Variants in B3GALT6 observed in about 807,000 individuals in gnomAD.
B3GALT6 encodes beta-1,3-galactosyltransferase 6, also known as GAG GalTII.
Under a neutral mutation model 23.3 loss-of-function variants are expected in B3GALT6, and 27 were observed. The ratio of observed to expected loss-of-function variants is 1.16; its 90% CI spans 0.85 to 1.60. B3GALT6 has a LOEUF of 1.60. Ranked by LOEUF, B3GALT6 falls within the 40% of genes most tolerant of loss-of-function variation. B3GALT6 has a pLI of 0.00. For missense variants in B3GALT6, 554 were observed against 471.1 expected (o/e 1.18, Z -1.63); for synonymous variants, 313 against 232.3 (o/e 1.35, Z -3.16).
chr1:1,232,809 C>G lies in B3GALT6; in HGVS notation c.531C>G (p.Arg177=), dbSNP rs1203554731. Residue 177 remains arginine (R), a synonymous_variant, in exon 1 of 1, where the codon CGC becomes CGG. Transcript: ENST00000379198. The part of the protein sequence containing the change: ...LAELRAREPA[R]RRRLYWGFFS... ...AGCTGCGCGCCCGCGAGCCCGCGCG[C>G]CGCCGCCGCCTCTACTGGGGCTTCT... The G allele has an allele frequency of 2.2e-6, 3 of 1,338,582 alleles. No individual in the cohort carries two copies. The highest frequency in any genetic ancestry group is 1.9e-6 in the Non-Finnish European group (2 of 1,050,402). The allele number at this position is 1,338,582 out of a possible 1,614,324, so 82.9% of individuals were successfully genotyped here.
In B3GALT6 at chr1:1,234,624, C is replaced by A. The variant is rs1055045877; in HGVS notation, c.*1356C>A. The A allele has an allele frequency of 6.0e-6, 1 of 166,908 alleles. No homozygotes were observed. The highest frequency in any genetic ancestry group is 2.1e-4 in the South Asian group (1 of 4,822). The allele number at this position is 166,908 out of a possible 1,614,324, so 10.3% of individuals were successfully genotyped here. Reference sequence around the variant, plus strand: ...TCGTGAGGATCGAGGGCTGGGGACCCCGGTGTGAGCAGGATGGGGCCCTGC... The same window carrying A: ...TCGTGAGGATCGAGGGCTGGGGACCACGGTGTGAGCAGGATGGGGCCCTGC... On this transcript the variant is annotated 3_prime_UTR_variant, in exon 1 of 1. Coordinates refer to ENST00000379198, the MANE Select transcript of B3GALT6 (RefSeq NM_080605.4).
Position 1,233,006 on chromosome 1 carries a change from T to A in B3GALT6, c.728T>A (p.Val243Glu). The change falls in exon 1 of 1, where the codon GTG (valine) becomes GAG (glutamate). Residue 243 changes from valine (V) to glutamate (E), a missense_variant. Coordinates refer to ENST00000379198, the MANE Select transcript of B3GALT6 (RefSeq NM_080605.4). Reference protein sequence around the residue: ...DYLRAWHSEDVSLGAWLAPVD... With the variant: ...DYLRAWHSEDESLGAWLAPVD... ...CTGCGCGCCTGGCACAGCGAGGACG[T>A]GTCTCTGGGCGCCTGGCTGGCGCCG... 6.4e-7 allele frequency: 1 copy of A among 1,559,572 alleles called. No individual in the cohort carries two copies. The highest frequency in any genetic ancestry group is 8.6e-7 in the Non-Finnish European group (1 of 1,159,096).
At position 1,234,672 on chromosome 1, in the gene B3GALT6, C is replaced by G. The variant is rs1382859186; in HGVS notation, c.*1404C>G. ...TGCCCTCCCGTGGGAGTTGTGGACT[C>G]GAGCCCAGGGGCTGCCCGTCACAGC... On this transcript the variant is annotated 3_prime_UTR_variant, in exon 1 of 1. Transcript: ENST00000379198. 1 of 166,860 alleles carries G rather than the reference C, an allele frequency of 6.0e-6. No homozygotes were observed. Among genetic ancestry groups the G allele is most frequent in the South Asian group, 2.1e-4 (1 of 4,830 alleles). 10.3% of individuals were successfully genotyped at this position (166,860 alleles called of 1,614,324 possible).
rs1400410241 is a variant in B3GALT6 at position 1,233,309 on chromosome 1, G to C, written c.*41G>C. The stretch of plus-strand genomic sequence containing the variant: ...CCCTCCGGGACACCTGCTTCACCCG[G>C]CGGCGCCTTGGGGCAGGTGCCGAGC... On this transcript the variant is annotated 3_prime_UTR_variant, in exon 1 of 1. Transcript: ENST00000379198. The C allele has an allele frequency of 2.9e-6, 4 of 1,402,260 alleles. No individual in the cohort carries two copies. The highest frequency in any genetic ancestry group is 2.8e-5 in the East Asian group (1 of 35,106). The allele number at this position is 1,402,260 out of a possible 1,614,324, so 86.9% of individuals were successfully genotyped here.
In B3GALT6 at chr1:1,233,068, A is replaced by ACCGAATAC; in HGVS notation, c.792_799dup (p.Arg267ProfsTer14). 6.4e-7 allele frequency: 1 copy of ACCGAATAC among 1,551,730 alleles called. No homozygotes were observed. The highest frequency in any genetic ancestry group is 1.4e-5 in the African/African-American group (1 of 73,436). Reference sequence around the variant, plus strand: ...GCGGGAGCACGACCCGCGCTTCGACACCGAATACCGGTCCCGCGGCTGCAG... The same window carrying ACCGAATAC: ...GCGGGAGCACGACCCGCGCTTCGACACCGAATACCCGAATACCGGTCCCGCGGCTGCAG... On this transcript the variant is annotated frameshift_variant, in exon 1 of 1. Transcript: ENST00000379198. LOFTEE classifies it high-confidence loss of function.
Position 1,232,250 on chromosome 1 carries a change from G to A in B3GALT6, c.-29G>A. 10 of 980,716 alleles carry A rather than the reference G, an allele frequency of 1.0e-5. No homozygotes were observed. Among genetic ancestry groups the A allele is most frequent in the Non-Finnish European group, 1.2e-5 (10 of 828,170 alleles). The allele number at this position is 980,716 out of a possible 1,614,324, so 60.8% of individuals were successfully genotyped here. On this transcript the variant is annotated 5_prime_UTR_variant, in exon 1 of 1. Transcript: ENST00000379198. ...CGGCGCCTGCGCACTCGCGAGTCCG[G>A]CCTGGGCCGCCGGCCCGGCGCGGGC...
Position 1,233,064 on chromosome 1 carries a change from C to G in B3GALT6, c.786C>G (p.Phe262Leu). 6.4e-7 allele frequency: 1 copy of G among 1,550,920 alleles called. No homozygotes were observed. Among genetic ancestry groups the G allele is most frequent in the Non-Finnish European group, 8.7e-7 (1 of 1,152,554 alleles). The change falls in exon 1 of 1, where the codon TTC (phenylalanine) becomes TTG (leucine). Residue 262 changes from phenylalanine (F) to leucine (L), a missense_variant. Transcript: ENST00000379198. Reference sequence around the variant, plus strand: ...TCCAGCGGGAGCACGACCCGCGCTTCGACACCGAATACCGGTCCCGCGGCT... The same window carrying G: ...TCCAGCGGGAGCACGACCCGCGCTTGGACACCGAATACCGGTCCCGCGGCT... ...VDVQREHDPR[F>L]DTEYRSRGCS...
chr1:1,232,684 G>GTGCTGGCCATGC lies in B3GALT6; in HGVS notation c.409_420dup (p.Leu137_Leu140dup). On this transcript the variant is annotated inframe_insertion, in exon 1 of 1. Transcript: ENST00000379198. The stretch of plus-strand genomic sequence containing the variant: ...CGCCTACGAAAACCTCACGGCCAAG[G>GTGCTGGCCATGC]TGCTGGCCATGCTGGCCTGGCTGGA... 7.2e-7 allele frequency: 1 copy of GTGCTGGCCATGC among 1,394,410 alleles called. No individual in the cohort carries two copies. Among genetic ancestry groups the GTGCTGGCCATGC allele is most frequent in the Non-Finnish European group, 9.3e-7 (1 of 1,072,340 alleles). 86.4% of individuals were successfully genotyped at this position (1,394,410 alleles called of 1,614,324 possible).
At position 1,233,264 on chromosome 1, in the gene B3GALT6, CCTG is replaced by C. The variant is rs1052589138; in HGVS notation, c.987_989del (p.Ter330delextTer72). 6.9e-7 allele frequency: 1 copy of C among 1,456,878 alleles called. No homozygotes were observed. Among genetic ancestry groups the C allele is most frequent in the Non-Finnish European group, 9.0e-7 (1 of 1,106,470 alleles). 90.2% of individuals were successfully genotyped at this position (1,456,878 alleles called of 1,614,324 possible). A position where few individuals can be genotyped will look rare whatever the true frequency, so the allele number is the denominator to read the frequency against. ...TGCTGCCAGAGAAGGGAGGGCATCCCCTGAGCCGCCGCGGCCCGGCCCTCCGGG... is the reference window on the plus strand; with the variant it reads ...TGCTGCCAGAGAAGGGAGGGCATCCCAGCCGCCGCGGCCCGGCCCTCCGGG... On this transcript the variant is annotated stop_lost and inframe_deletion, in exon 1 of 1. Coordinates refer to ENST00000379198, the MANE Select transcript of B3GALT6 (RefSeq NM_080605.4).
rs1432175992 is a variant in B3GALT6 at position 1,234,124 on chromosome 1, C to T, written c.*856C>T. The T allele has an allele frequency of 6.0e-6, 1 of 166,886 alleles. No homozygotes were observed. Among genetic ancestry groups the T allele is most frequent in the African/African-American group, 2.4e-5 (1 of 41,460 alleles). 10.3% of individuals were successfully genotyped at this position (166,886 alleles called of 1,614,324 possible). A position where few individuals can be genotyped will look rare whatever the true frequency, so the allele number is the denominator to read the frequency against. On this transcript the variant is annotated 3_prime_UTR_variant, in exon 1 of 1. Coordinates refer to ENST00000379198, the MANE Select transcript of B3GALT6 (RefSeq NM_080605.4). ...CCCCTCGTTTAATGAGAAAAGCGAA[C>T]ACTGCGGTCCTTGCCAAAGTAAAAT...
Position 1,232,385 on chromosome 1 carries a change from C to T in B3GALT6, c.107C>T (p.Pro36Leu), listed in dbSNP as rs568623476. Residue 36 changes from proline to leucine, a missense_variant, in exon 1 of 1, where the codon CCC becomes CTC. Pro to Leu is a moderately conservative substitution (Grantham distance 98). Coordinates refer to ENST00000379198, the MANE Select transcript of B3GALT6 (RefSeq NM_080605.4). ...LLYLARCAAE[P>L]GDPRAMSGRS... ...TACCTGGCGCGCTGCGCGGCCGAGC[C>T]CGGGGACCCCAGGGCGATGTCGGGC... The T allele has an allele frequency of 3.9e-4, 384 of 987,528 alleles. No individual in the cohort carries two copies. The African/African-American group carries it at 6.4e-3, about 16-fold the overall frequency. 61.2% of individuals were successfully genotyped at this position (987,528 alleles called of 1,614,324 possible).
rs1638588917 is a variant in B3GALT6, at chr1:1,233,583, AC to A, written c.*316del. 6.4e-6 allele frequency: 2 copies of A among 313,324 alleles called. No individual in the cohort carries two copies. The highest frequency in any genetic ancestry group is 2.2e-5 in the African/African-American group (1 of 45,730). The allele number at this position is 313,324 out of a possible 1,614,324, so 19.4% of individuals were successfully genotyped here. On this transcript the variant is annotated 3_prime_UTR_variant, in exon 1 of 1. Transcript: ENST00000379198. The stretch of plus-strand genomic sequence containing the variant: ...GTGTCTCTTATCAGTGGCGTTTCTC[AC>A]GTCTGCGTCTCAGATCTAACGTGGT...
At position 1,232,428 on chromosome 1, in the gene B3GALT6, C is replaced by A. The variant is rs1570497962; in HGVS notation, c.150C>A (p.Pro50=). 2 of 992,354 alleles carry A rather than the reference C, an allele frequency of 2.0e-6. No individual in the cohort carries two copies. The highest frequency in any genetic ancestry group is 1.8e-5 in the African/African-American group (1 of 56,882). 61.5% of individuals were successfully genotyped at this position (992,354 alleles called of 1,614,324 possible). A position where few individuals can be genotyped will look rare whatever the true frequency, so the allele number is the denominator to read the frequency against. ...TGTCGGGCCGCAGCCCGCCTCCCCC[C>A]GCGCCCGCGCGCGCCGCCGCCTTCC... ...RAMSGRSPPP[P]APARAAAFLA... is the part of the protein sequence containing the mutation. The change falls in exon 1 of 1, where the codon CCC becomes CCA. Residue 50 remains proline, a synonymous_variant. Coordinates refer to ENST00000379198, the MANE Select transcript of B3GALT6 (RefSeq NM_080605.4).
rs541397818 is a variant in B3GALT6 at position 1,234,033 on chromosome 1, C to T, written c.*765C>T. 3 of 166,998 alleles carry T rather than the reference C, an allele frequency of 1.8e-5. No homozygotes were observed. The highest frequency in any genetic ancestry group is 1.9e-4 in the East Asian group (1 of 5,192). The allele number at this position is 166,998 out of a possible 1,614,324, so 10.3% of individuals were successfully genotyped here. On this transcript the variant is annotated 3_prime_UTR_variant, in exon 1 of 1. Transcript: ENST00000379198. ...TGCTGACGCGGTTCCCCAACTTCCG[C>T]CTTAAGAAAACAGGACCAGCCGGCA...
chr1:1,232,474 G>C lies in B3GALT6; in HGVS notation c.196G>C (p.Ala66Pro). Residue 66 changes from alanine to proline, a missense_variant, in exon 1 of 1, where the codon GCG becomes CCG. Physicochemically the swap from Ala to Pro is conservative, Grantham distance 27. Coordinates refer to ENST00000379198, the MANE Select transcript of B3GALT6 (RefSeq NM_080605.4). ...CTTCCTGGCAGTGCTGGTGGCCAGC[G>C]CGCCCCGCGCCGCCGAGCGCCGCAG... The part of the protein sequence containing the change: ...AAFLAVLVAS[A>P]PRAAERRSVI... 2.0e-6 allele frequency: 2 copies of C among 1,015,216 alleles called. No homozygotes were observed. Among genetic ancestry groups the C allele is most frequent in the Non-Finnish European group, 2.3e-6 (2 of 851,724 alleles). 62.9% of individuals were successfully genotyped at this position (1,015,216 alleles called of 1,614,324 possible).
chr1:1,232,303 C>CGGCGGCG lies in B3GALT6; in HGVS notation c.33_39dup (p.Leu14GlyfsTer431), dbSNP rs1468255826. ...CATGAAGCTGCTGCGGCGGGCGTGG[C>CGGCGGCG]GGCGGCGGGCGGCGCTAGGCCTGGG... On this transcript the variant is annotated frameshift_variant, in exon 1 of 1. Transcript: ENST00000379198. LOFTEE classifies it high-confidence loss of function. 5 of 982,296 alleles carry CGGCGGCG rather than the reference C, an allele frequency of 5.1e-6. No homozygotes were observed. Among genetic ancestry groups the CGGCGGCG allele is most frequent in the South Asian group, 4.5e-5 (1 of 22,090 alleles). The allele number at this position is 982,296 out of a possible 1,614,324, so 60.8% of individuals were successfully genotyped here.
Position 1,233,493 on chromosome 1 carries a change from G to A in B3GALT6, c.*225G>A. On this transcript the variant is annotated 3_prime_UTR_variant, in exon 1 of 1. Coordinates refer to ENST00000379198, the MANE Select transcript of B3GALT6 (RefSeq NM_080605.4). ...CTGGACCTCAGCGAGCCTGAGCCGG[G>A]CCCGGCCGCACGCTGACCCCCGTGC... 1.9e-6 allele frequency: 1 copy of A among 516,582 alleles called. No homozygotes were observed. The highest frequency in any genetic ancestry group is 3.2e-6 in the Non-Finnish European group (1 of 313,880). The allele number at this position is 516,582 out of a possible 1,614,324, so 32.0% of individuals were successfully genotyped here.
chr1:1,233,119 C>CACA lies in B3GALT6; in HGVS notation c.842_843insCAA (p.Gln281delinsHisLys). On this transcript the variant is annotated protein_altering_variant, in exon 1 of 1. Transcript: ENST00000379198. ...CAACCAGTACCTGGTGACGCACAAG[C>CACA]AGAGCCTGGAGGACATGCTGGAGAA... 1 of 1,563,182 alleles carries CACA rather than the reference C, an allele frequency of 6.4e-7. No homozygotes were observed. Among genetic ancestry groups the CACA allele is most frequent in the Non-Finnish European group, 8.6e-7 (1 of 1,158,898 alleles).
Position 1,232,382 on chromosome 1 carries a change from A to G in B3GALT6, c.104A>G (p.Glu35Gly). The change falls in exon 1 of 1, where the codon GAG becomes GGG. Residue 35 changes from glutamate (E) to glycine (G), a missense_variant. By Grantham distance (98) the Glu-to-Gly change is moderately conservative. Coordinates refer to ENST00000379198, the MANE Select transcript of B3GALT6 (RefSeq NM_080605.4). The part of the protein sequence containing the change: ...ALLYLARCAA[E>G]PGDPRAMSGR... ...CTCTACCTGGCGCGCTGCGCGGCCGAGCCCGGGGACCCCAGGGCGATGTCG... is the reference window on the plus strand; with the variant it reads ...CTCTACCTGGCGCGCTGCGCGGCCGGGCCCGGGGACCCCAGGGCGATGTCG... 1.0e-6 allele frequency: 1 copy of G among 984,858 alleles called. No homozygotes were observed. The highest frequency in any genetic ancestry group is 1.2e-6 in the Non-Finnish European group (1 of 831,876). The allele number at this position is 984,858 out of a possible 1,614,324, so 61.0% of individuals were successfully genotyped here. A position where few individuals can be genotyped will look rare whatever the true frequency, so the allele number is the denominator to read the frequency against.
Sources: allele counts gnomAD v4.1 joint callset, GRCh38; gene constraint gnomAD v4.1.1; transcripts MANE v1.5; gene names NCBI Gene and HGNC (gene_info 2026-07-23, HGNC 2026-07-21).